MTR: variants seen among roughly 807,000 people sequenced by gnomAD.
The protein encoded by MTR is methionine synthase.
A neutral mutation model predicts 154.8 loss-of-function variants in MTR; 84 were observed. The ratio of observed to expected loss-of-function variants is 0.54; its 90% CI spans 0.45 to 0.65. The LOEUF (loss-of-function observed/expected upper bound fraction) is 0.65, where lower values mean the gene tolerates loss of function less well. Among genes scored for constraint, MTR ranks in the 30% least tolerant of loss-of-function variants. The pLI is 0.00. For synonymous variants in MTR, 554 were observed against 553.9 expected (o/e 1.00, Z 0.00); for missense variants, 1,275 against 1,570.2 (o/e 0.81, Z 3.18).
chr1:236,830,697 T>C (rs1662560740), intron 12 of MTR, among the ~76,000 whole-genome samples: 1 of 152,184 alleles, frequency 6.6e-6, no homozygotes, highest in South Asian at 2.1e-4. Flanking sequence ...GGCTCCCTGC[T>C]TGCCTGTCCT....
Position 236,862,317 on chromosome 1 carries a change from G to A in MTR, c.2278G>A (p.Val760Met). 6.2e-7 allele frequency: 1 copy of A among 1,613,878 alleles called. No individual in the cohort carries two copies. The highest frequency in any genetic ancestry group is 1.3e-5 in the African/African-American group (1 of 75,028). ...GGAAAAAGAAAGAGAAGAAACCAGAGTGCTTAACGGCACAGTAGAAGAAGA... is the reference window on the plus strand; with the variant it reads ...GGAAAAAGAAAGAGAAGAAACCAGAATGCTTAACGGCACAGTAGAAGAAGA... ...FMEKEREETR[V>M]LNGTVEEEDP... Residue 760 changes from valine to methionine, a missense_variant, in exon 21 of 33, where the codon GTG becomes ATG. Physicochemically the swap from Val to Met is conservative, Grantham distance 21. Transcript: ENST00000366577.
At chr1:236,860,499 A>G (rs1330288917) in intron 19 of MTR, among the ~76,000 whole-genome samples, 1 of 152,038 alleles carries the variant, frequency 6.6e-6, no homozygotes, top group African/African-American at 2.4e-5. Context: ...GGCCAATCCA[A>G]GGATCATTGA....
intron 24 of MTR, among the ~76,000 whole-genome samples, 194 bp downstream of exon 24, chr1:236,875,040 C>G (rs1665354272): frequency 6.6e-6 from 1 of 152,206 alleles, no homozygotes; most frequent in Admixed American, 6.5e-5. Context: ...CTATAGAAAA[C>G]TTTTTGTGAT....
intron 5 of MTR, among the ~76,000 whole-genome samples, chr1:236,811,302 G>A (rs989677027): frequency 1.3e-5 from 2 of 152,108 alleles, no homozygotes; most frequent in South Asian, 2.1e-4. Context: ...AATTCAAGAC[G>A]AGATTTGGGT....
In MTR at chr1:236,894,379, C is replaced by G; in HGVS notation, c.3227C>G (p.Thr1076Arg). 1.2e-6 allele frequency: 2 copies of G among 1,614,230 alleles called. No individual in the cohort carries two copies. The highest frequency in any genetic ancestry group is 1.7e-6 in the Non-Finnish European group (2 of 1,180,042). ...AAGGCTGAGAAGGACTCTGCCAGCA[C>G]GGAGCCATACTACTGCCTCTCAGAC... ...RQQAEKDSASTEPYYCLSDFI... is the reference protein window; with the variant it reads ...RQQAEKDSASREPYYCLSDFI... The change falls in exon 30 of 33, where the codon ACG (threonine) becomes AGG (arginine). Residue 1076 changes from threonine (T) to arginine (R), a missense_variant. Thr to Arg is a moderately conservative substitution (Grantham distance 71). Transcript: ENST00000366577.
At chr1:236,831,125 T>G (rs1382662130) in intron 12 of MTR, among the ~76,000 whole-genome samples, 1 of 152,196 alleles carries the variant, frequency 6.6e-6, no homozygotes. Context: ...GGTAAGTGAT[T>G]TGAACCCAAG....
intron 13 of MTR, among the ~76,000 whole-genome samples, chr1:236,834,765 G>T (rs1662808057): frequency 6.6e-6 from 1 of 152,160 alleles, no homozygotes; most frequent in Non-Finnish European, 1.5e-5. Context: ...TATGGAACAT[G>T]TATATTTTGC....
chr1:236,803,461 A>C lies in MTR; in HGVS notation c.68A>C (p.Asn23Thr). ...AAGAAAACCCTGCGGGATGAGATCA[A>C]TGCCATTCTGCAGAAGAGGATTATG... is the stretch of plus-strand genomic sequence containing the variant. ...GLKKTLRDEI[N>T]AILQKRIMVL... is the part of the protein sequence containing the mutation. The change falls in exon 2 of 33, where the codon AAT becomes ACT. Residue 23 changes from asparagine (N) to threonine (T), a missense_variant. Asn to Thr is a moderately conservative substitution (Grantham distance 65). Transcript: ENST00000366577. 1 of 1,614,178 alleles carries C rather than the reference A, an allele frequency of 6.2e-7. No individual in the cohort carries two copies. Among genetic ancestry groups the C allele is most frequent in the South Asian group, 1.1e-5 (1 of 91,076 alleles).
At chr1:236,861,375 CAA>C in intron 20 of MTR, 98 bp downstream of exon 20, 2 of 1,530,694 alleles carry the variant, frequency 1.3e-6, no homozygotes, top group Non-Finnish European at 1.8e-6. Context: ...TTAATTTGGA[CAA>C]GAGTTCAATG....
chr1:236,895,314 G>A, intron 30 of MTR, 44 bp from the exon 31 acceptor site: 2 of 1,556,574 alleles, frequency 1.3e-6, no homozygotes, highest in Non-Finnish European at 1.7e-6. Context: ...GATGCTGTGA[G>A]CCCCTGCGTC....
At chr1:236,812,032 C>T (rs1241133194) in intron 5 of MTR, among the ~76,000 whole-genome samples, 1 of 152,198 alleles carries the variant, frequency 6.6e-6, no homozygotes, top group Non-Finnish European at 1.5e-5. Flanking sequence ...AGGCGTGTGC[C>T]ATCACGCCTG....
intron 3 of MTR, among the ~76,000 whole-genome samples, chr1:236,807,473 C>T (rs1015427433): frequency 2.6e-5 from 4 of 152,198 alleles, no homozygotes; most frequent in Middle Eastern, 3.4e-3. Context: ...CGCGCCTGGC[C>T]GGCTGTACCA....
chr1:236,799,790 T>G (rs1028615778), intron 1 of MTR, among the ~76,000 whole-genome samples: 20 of 108,954 alleles, frequency 1.8e-4, no homozygotes, highest in South Asian at 6.5e-4. Context: ...AAATTCATTG[T>G]GTTTTTTTTT....
At chr1:236,829,629 C>G (rs1306617217) in intron 12 of MTR, among the ~76,000 whole-genome samples, 2 of 152,128 alleles carry the variant, frequency 1.3e-5, no homozygotes, top group Non-Finnish European at 2.9e-5. Flanking sequence ...TCCAAACTGC[C>G]AAGGTGTAAT....
At chr1:236,891,424 C>G in intron 29 of MTR, 95 bp downstream of exon 29, 2 of 1,258,876 alleles carry the variant, frequency 1.6e-6, no homozygotes, top group African/African-American at 2.9e-5. Flanking sequence ...TCTGCTTCAC[C>G]TCCTCCCAAA....
intron 24 of MTR, among the ~76,000 whole-genome samples, chr1:236,879,313 G>C (rs962429520): frequency 1.3e-5 from 2 of 152,202 alleles, no homozygotes; most frequent in African/African-American, 4.8e-5. Flanking sequence ...ATACAGGATT[G>C]GTTGGTTGTT....
At chr1:236,870,264 C>T (rs1358970000) in intron 22 of MTR, among the ~76,000 whole-genome samples, 1 of 152,176 alleles carries the variant, frequency 6.6e-6, no homozygotes, top group East Asian at 1.9e-4. Flanking sequence ...GGAAATTGAA[C>T]TTGTCACCCA....
At chr1:236,826,307 A>G (rs968459391) in intron 10 of MTR, among the ~76,000 whole-genome samples, 4 of 152,018 alleles carry the variant, frequency 2.6e-5, no homozygotes, top group Non-Finnish European at 5.9e-5. Flanking sequence ...TTTTGTGTTT[A>G]TTTTTTTGAG....
Position 236,810,551 on chromosome 1 carries a change from T to G in MTR, c.458T>G (p.Leu153Arg). 6.2e-7 allele frequency: 1 copy of G among 1,613,844 alleles called. No homozygotes were observed. Among genetic ancestry groups the G allele is most frequent in the African/African-American group, 1.3e-5 (1 of 75,010 alleles). Residue 153 changes from leucine (L) to arginine (R), a missense_variant, in exon 5 of 33, where the codon CTC becomes CGC. Transcript: ENST00000366577. ...GCTCTGGGTCCGACTAATAAGACAC[T>G]CTCTGTGTCCCCATCTGTGGAAAGG... ...AGALGPTNKT[L>R]SVSPSVERPD... is the part of the protein sequence containing the mutation.
Sources: allele counts gnomAD v4.1 joint callset (sites outside exome capture counted in the v4.1 genomes callset), GRCh38; gene constraint gnomAD v4.1.1; transcripts MANE v1.5; gene names NCBI Gene and HGNC (gene_info 2026-07-23, HGNC 2026-07-21).